DNAH11: variants seen among roughly 807,000 people sequenced by gnomAD.
DNAH11 encodes the protein axonemal beta dynein heavy chain 11.
A neutral mutation model predicts 526.0 loss-of-function variants in DNAH11; 442 were observed. The ratio of observed to expected loss-of-function variants is 0.84; its 90% confidence interval spans 0.78 to 0.91. DNAH11 has a LOEUF of 0.91. DNAH11 is among the 40% of genes least tolerant of loss of function. The pLI is 0.00. For synonymous variants in DNAH11, 2,461 were observed against 1,935.9 expected (o/e 1.27, Z -7.12); for missense variants, 6,989 against 5,448.7 (o/e 1.28, Z -8.90).
intron 55 of DNAH11, 50 bp downstream of exon 55, chr7:21,765,639 CA>C: frequency 6.9e-7 from 1 of 1,447,408 alleles, no homozygotes; most frequent in East Asian, 2.5e-5. Context: ...CACACACACA[CA>C]CACACACACA....
chr7:21,811,494 A>T (rs1289815282), intron 63 of DNAH11, among the ~76,000 whole-genome samples: 1 of 152,068 alleles, frequency 6.6e-6, no homozygotes, highest in Non-Finnish European at 1.5e-5. Flanking sequence ...AAATACTTCA[A>T]ACTTTACGAG....
At chr7:21,739,540 TG>T in intron 47 of DNAH11, 30 bp from the exon 48 acceptor site, 1 of 1,583,468 alleles carries the variant, frequency 6.3e-7, no homozygotes, top group Non-Finnish European at 8.6e-7. Flanking sequence ...CTCCAGTTTT[TG>T]GATTTAAGGT....
intron 37 of DNAH11, 39 bp from the exon 38 acceptor site, chr7:21,704,395 C>A (rs1204653397): frequency 6.4e-7 from 1 of 1,564,302 alleles, no homozygotes; most frequent in South Asian, 1.2e-5. Flanking sequence ...GTTTGTTAGA[C>A]CTTGTATTGG....
Position 21,789,318 on chromosome 7 carries a change from AGAG to A in DNAH11, c.10004_10006del (p.Glu3335del). ...AACTGGCTGCAGCTACTGAAAAACT[AGAG>A]GCTATCAGGAAAAAGCTTGTGGTGA... On this transcript the variant is annotated inframe_deletion, in exon 61 of 82. Transcript: ENST00000409508. 6.4e-7 allele frequency: 1 copy of A among 1,571,646 alleles called. No homozygotes were observed. Among genetic ancestry groups the A allele is most frequent in the African/African-American group, 1.4e-5 (1 of 73,942 alleles).
chr7:21,782,869 C>T (rs1788008309), intron 57 of DNAH11, among the ~76,000 whole-genome samples: 1 of 150,164 alleles, frequency 6.7e-6, no homozygotes, highest in South Asian at 2.1e-4. Context: ...GAGATCATGC[C>T]ACTGCACTCC....
At chr7:21,787,935 G>A (rs1382527087) in intron 60 of DNAH11, among the ~76,000 whole-genome samples, 1 of 152,174 alleles carries the variant, frequency 6.6e-6, no homozygotes, top group Non-Finnish European at 1.5e-5. Context: ...GAAATGTAGC[G>A]CCTGCTCTCA....
chr7:21,747,972 T>G (rs2128492410), intron 51 of DNAH11, among the ~76,000 whole-genome samples: 1 of 152,346 alleles, frequency 6.6e-6, no homozygotes. Context: ...CACAAGGCCT[T>G]TGCATATATT....
At chr7:21,785,323 G>A (rs771559741) in intron 58 of DNAH11, among the ~76,000 whole-genome samples, 15 of 152,104 alleles carry the variant, frequency 9.9e-5, no homozygotes, top group South Asian at 2.1e-4. Flanking sequence ...ACTTACATGG[G>A]TATTTCTTAG....
chr7:21,645,958 A>G (rs1787338923), intron 28 of DNAH11, among the ~76,000 whole-genome samples: 1 of 152,226 alleles, frequency 6.6e-6, no homozygotes, highest in Non-Finnish European at 1.5e-5. Context: ...GACTATGTTA[A>G]AATTTTAAAA....
At chr7:21,649,782 C>T (rs1298398055) in intron 28 of DNAH11, among the ~76,000 whole-genome samples, 1 of 151,910 alleles carries the variant, frequency 6.6e-6, no homozygotes, top group African/African-American at 2.4e-5. Flanking sequence ...TCTTAAGCCT[C>T]AGCCACCTGA....
At chr7:21,742,251 G>C in intron 49 of DNAH11, 85 bp downstream of exon 49, 1 of 1,428,600 alleles carries the variant, frequency 7.0e-7, no homozygotes, top group East Asian at 2.3e-5. Context: ...TGTCACTATA[G>C]AGAAACACCT....
At chr7:21,657,702 A>G (rs973901675) in intron 29 of DNAH11, among the ~76,000 whole-genome samples, 1 of 152,212 alleles carries the variant, frequency 6.6e-6, no homozygotes, top group Admixed American at 6.6e-5. Context: ...CCCATTGGTT[A>G]GATCAGAACA....
intron 20 of DNAH11, among the ~76,000 whole-genome samples, chr7:21,612,597 G>A (rs1289636688): frequency 6.7e-6 from 1 of 149,258 alleles, no homozygotes; most frequent in African/African-American, 2.5e-5. Flanking sequence ...AGCCCTGATG[G>A]CTTTACAGGT....
intron 20 of DNAH11, among the ~76,000 whole-genome samples, chr7:21,607,446 A>G (rs7802781): frequency 0.026 from 3,904 of 152,252 alleles, 149 homozygotes; most frequent in African/African-American, 0.089. Context: ...CTTCAGTCCA[A>G]TCATGTTGAC....
In DNAH11 at chr7:21,773,758, G is replaced by T; in HGVS notation, c.9103-8G>T. 1 of 1,508,312 alleles carries T rather than the reference G, an allele frequency of 6.6e-7. No individual in the cohort carries two copies. Among genetic ancestry groups the T allele is most frequent in the Non-Finnish European group, 8.9e-7 (1 of 1,124,326 alleles). 93.4% of individuals were successfully genotyped at this position (1,508,312 alleles called of 1,614,324 possible). On this transcript the variant is annotated splice_polypyrimidine_tract_variant and splice_region_variant and intron_variant, in intron 55 of 81. Coordinates refer to ENST00000409508, the MANE Select transcript of DNAH11 (RefSeq NM_001277115.2). Reference sequence around the variant, plus strand: ...ATTTCACATGAACTGTAATGTTTGTGTTTTCAGCCAGTGCACAAAGACTCT... The same window carrying T: ...ATTTCACATGAACTGTAATGTTTGTTTTTTCAGCCAGTGCACAAAGACTCT...
chr7:21,846,490 TTTC>T (rs1469932933), intron 66 of DNAH11, among the ~76,000 whole-genome samples: 1 of 152,210 alleles, frequency 6.6e-6, no homozygotes, highest in African/African-American at 2.4e-5. Flanking sequence ...TGACTACATT[TTTC>T]TTCTTTAGCT....
chr7:21,724,775 AGT>A (rs373424197), intron 44 of DNAH11, among the ~76,000 whole-genome samples: 2 of 33,412 alleles, frequency 6.0e-5, no homozygotes, highest in Non-Finnish European at 1.2e-4. Context: ...TGAATATAGG[AGT>A]CACTGGGCCA....
rs781412878 is a variant in DNAH11, at chr7:21,749,820, T to G, written c.8797+19T>G. 1.4e-5 allele frequency: 22 copies of G among 1,612,706 alleles called. No homozygotes were observed. Among genetic ancestry groups the G allele is most frequent in the South Asian group, 1.2e-4 (11 of 90,784 alleles). On this transcript the variant is annotated intron_variant, in intron 53 of 81. Coordinates refer to ENST00000409508, the MANE Select transcript of DNAH11 (RefSeq NM_001277115.2). Reference sequence around the variant, plus strand: ...GCATCAGGTGATTAAACCAACACATTTCTTGAAAGATCTTCCCCAATGACA... The same window carrying G: ...GCATCAGGTGATTAAACCAACACATGTCTTGAAAGATCTTCCCCAATGACA...
chr7:21,870,490 C>T (rs17145802), intron 73 of DNAH11, among the ~76,000 whole-genome samples: 7 of 151,490 alleles, frequency 4.6e-5, no homozygotes, highest in Non-Finnish European at 1.0e-4. Context: ...CAGGAGGGTT[C>T]GCTTTTTCAG....
Sources: allele counts gnomAD v4.1 joint callset (sites outside exome capture counted in the v4.1 genomes callset), GRCh38; gene constraint gnomAD v4.1.1; transcripts MANE v1.5; gene names NCBI Gene and HGNC (gene_info 2026-07-23, HGNC 2026-07-21).